The following PPP2R2A variants were observed in gnomAD, a reference collection of about 807,000 sequenced individuals.
PPP2R2A encodes the protein protein phosphatase 2 regulatory subunit Balpha.
Under a neutral mutation model 53.2 loss-of-function variants are expected in PPP2R2A, and 9 were observed. The observed-to-expected ratio is 0.17, with a 90% CI of 0.10 to 0.30. PPP2R2A has a LOEUF of 0.30. Among genes scored for constraint, PPP2R2A ranks in the 10% least tolerant of loss-of-function variants. The pLI, the probability that PPP2R2A is intolerant of heterozygous loss-of-function variation, is 1.00. For missense variants in PPP2R2A, 235 were observed against 534.6 expected (o/e 0.44, Z 5.53); for synonymous variants, 169 against 174.2 (o/e 0.97, Z 0.23).
At position 26,371,730 on chromosome 8, in the gene PPP2R2A, G is replaced by A. The variant is rs574674548; in HGVS notation, c.*1317G>A. 9 of 152,214 alleles carry A rather than the reference G, an allele frequency of 5.9e-5. No homozygotes were observed. The highest frequency in any genetic ancestry group is 3.9e-4 in the East Asian group (2 of 5,184). The allele number at this position is 152,214 out of a possible 1,614,324, so 9.4% of individuals were successfully genotyped here. A position where few individuals can be genotyped will look rare whatever the true frequency, so the allele number is the denominator to read the frequency against. On this transcript the variant is annotated 3_prime_UTR_variant, in exon 10 of 10. Coordinates refer to ENST00000380737, the MANE Select transcript of PPP2R2A (RefSeq NM_002717.4). ...AAAGACAAATTTTTAAAGGTACAGC[G>A]TTCAAAAAGTGCTTAATGAACTCCA...
Position 26,291,663 on chromosome 8 carries a change from C to T in PPP2R2A, c.-157C>T. The T allele has an allele frequency of 1.6e-6, 1 of 624,010 alleles. No individual in the cohort carries two copies. Among genetic ancestry groups the T allele is most frequent in the Non-Finnish European group, 2.7e-6 (1 of 366,860 alleles). 38.7% of individuals were successfully genotyped at this position (624,010 alleles called of 1,614,324 possible). A position where few individuals can be genotyped will look rare whatever the true frequency, so the allele number is the denominator to read the frequency against. On this transcript the variant is annotated 5_prime_UTR_variant, in exon 1 of 10. Transcript: ENST00000380737. Reference sequence around the variant, plus strand: ...AGCATCCTGCCGGCTGGTCTGCCCGCCCCTCCTTCCTTTTCCCCCCGGCCC... The same window carrying T: ...AGCATCCTGCCGGCTGGTCTGCCCGTCCCTCCTTCCTTTTCCCCCCGGCCC...
intron 2 of PPP2R2A, among the ~76,000 whole-genome samples, chr8:26,310,501 TATG>T (rs1170877587): frequency 2.0e-5 from 3 of 151,852 alleles, no homozygotes; most frequent in Non-Finnish European, 4.4e-5. Flanking sequence ...TAAATGGCTG[TATG>T]ATATTTAATT....
At chr8:26,293,764 T>C in intron 2 of PPP2R2A, 24 bp downstream of exon 2, 10 of 1,606,064 alleles carry the variant, frequency 6.2e-6, no homozygotes, top group Non-Finnish European at 7.7e-6. Flanking sequence ...TAATGCAAAA[T>C]TTGGATATAT....
chr8:26,299,550 A>C (rs2117195691), intron 2 of PPP2R2A, among the ~76,000 whole-genome samples: 1 of 152,276 alleles, frequency 6.6e-6, no homozygotes, highest in South Asian at 2.1e-4. Flanking sequence ...GTCTTGAAAA[A>C]ATATTTTTTA....
At chr8:26,331,951 A>G (rs1803399831) in intron 2 of PPP2R2A, among the ~76,000 whole-genome samples, 1 of 152,232 alleles carries the variant, frequency 6.6e-6, no homozygotes, top group South Asian at 2.1e-4. Context: ...TGTAAAGCCT[A>G]ATTATATTGA....
At chr8:26,292,186 T>C (rs1801330505) in intron 1 of PPP2R2A, 3 of 1,147,872 alleles carry the variant, frequency 2.6e-6, no homozygotes, top group Non-Finnish European at 3.2e-6. Flanking sequence ...CCCCCGCCTT[T>C]ATTTTTTTTT....
chr8:26,356,257 C>T (rs1804777679), intron 4 of PPP2R2A, among the ~76,000 whole-genome samples: 1 of 152,270 alleles, frequency 6.6e-6, no homozygotes, highest in African/African-American at 2.4e-5. Context: ...AATTGATGCC[C>T]CTCGTCCACA....
intron 3 of PPP2R2A, among the ~76,000 whole-genome samples, chr8:26,346,117 G>GTTATTATTA (rs71551870): frequency 0.022 from 3,128 of 144,402 alleles, 39 homozygotes; most frequent in African/African-American, 0.031. Flanking sequence ...TACCAGTCGG[G>GTTATTATTA]TTATTATTAT....
rs1805663266 is a variant in PPP2R2A, at chr8:26,371,405, C to CT, written c.*993dup. ...TGAGGGTATTGGATACATTGTGTCTCTATTTAACTCATTATGTGTTAATGA... is the reference window on the plus strand; with the variant it reads ...TGAGGGTATTGGATACATTGTGTCTCTTATTTAACTCATTATGTGTTAATGA... On this transcript the variant is annotated 3_prime_UTR_variant, in exon 10 of 10. Coordinates refer to ENST00000380737, the MANE Select transcript of PPP2R2A (RefSeq NM_002717.4). 1 of 139,480 alleles carries CT rather than the reference C, an allele frequency of 7.2e-6. No homozygotes were observed. The highest frequency in any genetic ancestry group is 2.6e-5 in the African/African-American group (1 of 38,354). 8.6% of individuals were successfully genotyped at this position (139,480 alleles called of 1,614,324 possible).
intron 3 of PPP2R2A, among the ~76,000 whole-genome samples, chr8:26,351,993 T>C (rs1297136644): frequency 2.0e-5 from 3 of 152,226 alleles, no homozygotes; most frequent in South Asian, 2.1e-4. Context: ...AGTACTGTTA[T>C]AGGTGCTGGG....
In PPP2R2A at chr8:26,353,359, C is replaced by T. The variant is rs186992541; in HGVS notation, c.181-1109C>T. 2.3e-4 allele frequency among the ~76,000 whole-genome samples: 35 copies of T among 152,306 alleles called. No individual in the cohort carries two copies. In the East Asian group the frequency reaches 6.6e-3, roughly 29 times the overall value. On this transcript the variant is annotated intron_variant, in intron 3 of 9. Coordinates refer to ENST00000380737, the MANE Select transcript of PPP2R2A (RefSeq NM_002717.4). ...CCATCCATGAATGAACAACCCAGATCATCAGGCTGCTGGAAAAAACAACCC... is the reference window on the plus strand; with the variant it reads ...CCATCCATGAATGAACAACCCAGATTATCAGGCTGCTGGAAAAAACAACCC...
At chr8:26,350,856 A>G (rs1254933196) in intron 3 of PPP2R2A, among the ~76,000 whole-genome samples, 1 of 152,102 alleles carries the variant, frequency 6.6e-6, no homozygotes, top group Non-Finnish European at 1.5e-5. Context: ...TTTTTCAGTT[A>G]CATTTGTTGG....
chr8:26,325,934 C>T (rs369149692), intron 2 of PPP2R2A, among the ~76,000 whole-genome samples: 3 of 152,286 alleles, frequency 2.0e-5, no homozygotes, highest in South Asian at 4.1e-4. Flanking sequence ...CTACTGGGCT[C>T]AAGCCATCCT....
chr8:26,324,699 G>A (rs1391081603), intron 2 of PPP2R2A, among the ~76,000 whole-genome samples: 3 of 151,626 alleles, frequency 2.0e-5, no homozygotes, highest in African/African-American at 4.9e-5. Context: ...TAGATCCACC[G>A]ACAGCTTGCA....
At chr8:26,334,310 ATATAC>A (rs1167116017) in intron 2 of PPP2R2A, among the ~76,000 whole-genome samples, 14 of 152,248 alleles carry the variant, frequency 9.2e-5, no homozygotes, top group Admixed American at 3.3e-4. Context: ...AACTCAACTG[ATATAC>A]TATACTAAAG....
At chr8:26,299,882 A>G (rs1219265409) in intron 2 of PPP2R2A, among the ~76,000 whole-genome samples, 1 of 152,190 alleles carries the variant, frequency 6.6e-6, no homozygotes, top group East Asian at 1.9e-4. Flanking sequence ...CATTAGCTGT[A>G]TTCCGAAACC....
At chr8:26,366,122 A>G in intron 8 of PPP2R2A, 193 bp from the exon 9 acceptor site, 1 of 486,512 alleles carries the variant, frequency 2.1e-6, no homozygotes, top group Non-Finnish European at 3.6e-6. Flanking sequence ...CAGTAGGAAA[A>G]TGTACCTCCC....
chr8:26,323,261 AAC>A (rs1462249114), intron 2 of PPP2R2A, among the ~76,000 whole-genome samples: 3 of 152,224 alleles, frequency 2.0e-5, no homozygotes, highest in Non-Finnish European at 2.9e-5. Flanking sequence ...CTATGTAGAA[AAC>A]ACACACACAG....
intron 2 of PPP2R2A, among the ~76,000 whole-genome samples, chr8:26,298,010 A>T (rs1585319543): frequency 6.6e-6 from 1 of 152,220 alleles, no homozygotes; most frequent in Admixed American, 6.5e-5. Context: ...AAAAGCTATG[A>T]AGTAAAAGGA....
Sources: gnomAD v4.1 joint callset for allele counts (sites outside exome capture counted in the v4.1 genomes callset) on GRCh38, gnomAD v4.1.1 for gene constraint, MANE v1.5 for transcripts, NCBI Gene and HGNC (gene_info 2026-07-23, HGNC 2026-07-21) for gene names.